Variants in CNTN6 observed in about 807,000 individuals in gnomAD.
CNTN6 encodes contactin 6.
A neutral mutation model predicts 122.8 loss-of-function variants in CNTN6; 137 were observed. The observed-to-expected ratio is 1.12, with a 90% confidence interval of 0.97 to 1.29. The LOEUF is 1.29. Among genes scored for constraint, CNTN6 ranks in the 50% most tolerant of loss-of-function variants. The pLI is 0.00. For missense variants in CNTN6, 1,634 were observed against 1,223.4 expected (o/e 1.34, Z -5.01); for synonymous variants, 570 against 426.0 (o/e 1.34, Z -4.16).
At chr3:1,261,848 T>C (rs141748974) in intron 4 of CNTN6, among the ~76,000 whole-genome samples, 1 of 152,304 alleles carries the variant, frequency 6.6e-6, no homozygotes, top group East Asian at 1.9e-4. Flanking sequence ...TCACATGTAA[T>C]AAGACAAGAG....
Position 1,261,211 on chromosome 3 carries a change from CTT to C in CNTN6, c.359-17200_359-17199del, listed in dbSNP as rs149436261. Among the ~76,000 whole-genome samples the C allele has an allele frequency of 2.9e-3, 439 of 152,246 alleles. 2 individuals carry two copies. The highest frequency in any genetic ancestry group is 0.01 in the African/African-American group (419 of 41,562). On this transcript the variant is annotated intron_variant, in intron 4 of 22. Coordinates refer to ENST00000446702, the MANE Select transcript of CNTN6 (RefSeq NM_001289080.2). ...CCTTTAAATGTCTACAGCACAATCT[CTT>C]TGGCTTTCTGTGAAAGCAGATCTCA...
At chr3:1,120,789 G>A (rs1458749634) in intron 1 of CNTN6, among the ~76,000 whole-genome samples, 1 of 151,784 alleles carries the variant, frequency 6.6e-6, no homozygotes, top group Non-Finnish European at 1.5e-5. Context: ...ATTTAAAATT[G>A]ATTTTTGTGG....
At chr3:1,142,234 T>C (rs1022962372) in intron 1 of CNTN6, among the ~76,000 whole-genome samples, 1 of 151,136 alleles carries the variant, frequency 6.6e-6, no homozygotes, top group Non-Finnish European at 1.5e-5. Flanking sequence ...AAAAACATGA[T>C]TATTCTGAAC....
At chr3:1,246,654 G>A (rs1212722106) in intron 4 of CNTN6, among the ~76,000 whole-genome samples, 1 of 151,992 alleles carries the variant, frequency 6.6e-6, no homozygotes, top group Non-Finnish European at 1.5e-5. Context: ...TTCCAGTAAT[G>A]TTTTTTTCTA....
At chr3:1,166,100 T>C (rs1277989944) in intron 2 of CNTN6, among the ~76,000 whole-genome samples, 4 of 152,194 alleles carry the variant, frequency 2.6e-5, no homozygotes, top group African/African-American at 9.7e-5. Context: ...GTGCGTTGCT[T>C]GGATCCTGGC....
rs72995954 is a variant in CNTN6, at chr3:1,360,407, T to C, written c.1492+7956T>C. ...TGTCGCTGTAGAAACTCATACTTCT[T>C]GGTCCTAAAATATCTTTCTGAATAA... On this transcript the variant is annotated intron_variant, in intron 12 of 22. Transcript: ENST00000446702. 6.0e-3 allele frequency among the ~76,000 whole-genome samples: 918 copies of C among 152,214 alleles called. 10 individuals carry two copies. Among genetic ancestry groups the C allele is most frequent in the Middle Eastern group, 0.01 (3 of 294 alleles).
At chr3:1,340,688 A>T (rs1197521815) in intron 11 of CNTN6, among the ~76,000 whole-genome samples, 1 of 152,118 alleles carries the variant, frequency 6.6e-6, no homozygotes, top group Non-Finnish European at 1.5e-5. Flanking sequence ...TTGTAAACCT[A>T]ATTTTGTAGA....
intron 2 of CNTN6, among the ~76,000 whole-genome samples, chr3:1,204,238 C>A (rs2093926806): frequency 6.6e-6 from 1 of 152,128 alleles, no homozygotes; most frequent in Non-Finnish European, 1.5e-5. Flanking sequence ...TGCAATATCT[C>A]AATGATAATA....
intron 2 of CNTN6, among the ~76,000 whole-genome samples, chr3:1,177,706 C>T (rs1452386692): frequency 1.3e-5 from 2 of 151,954 alleles, no homozygotes; most frequent in Non-Finnish European, 2.9e-5. Flanking sequence ...TTAAAGACAT[C>T]ACTATGTTTT....
intron 1 of CNTN6, among the ~76,000 whole-genome samples, chr3:1,147,481 T>C (rs2092747577): frequency 6.6e-6 from 1 of 152,130 alleles, no homozygotes; most frequent in Non-Finnish European, 1.5e-5. Context: ...TTTATGAACC[T>C]CTTATTAGAT....
intron 19 of CNTN6, among the ~76,000 whole-genome samples, chr3:1,384,810 C>CCCAT: frequency 7.3e-6 from 1 of 136,244 alleles, no homozygotes; most frequent in Admixed American, 7.7e-5. Flanking sequence ...CACACACACA[C>CCCAT]ACATATATAT....
intron 3 of CNTN6, among the ~76,000 whole-genome samples, chr3:1,225,612 A>G (rs997380786): frequency 2.6e-5 from 4 of 152,206 alleles, no homozygotes; most frequent in African/African-American, 9.7e-5. Context: ...GCAAATTATC[A>G]AAAACTATAT....
intron 2 of CNTN6, among the ~76,000 whole-genome samples, chr3:1,186,276 C>T (rs1466098708): frequency 2.6e-5 from 4 of 152,108 alleles, no homozygotes; most frequent in Non-Finnish European, 4.4e-5. Context: ...AAAAGAGATT[C>T]ATAGGTACAT....
chr3:1,152,478 A>C (rs2092868139), intron 2 of CNTN6, among the ~76,000 whole-genome samples: 1 of 152,148 alleles, frequency 6.6e-6, no homozygotes, highest in Non-Finnish European at 1.5e-5. Context: ...GAACAATGTC[A>C]GTAATGGGTA....
At chr3:1,119,354 G>GTGTGTGTGTGTGTGTGT (rs1339996215) in intron 1 of CNTN6, among the ~76,000 whole-genome samples, 26 of 8,814 alleles carry the variant, frequency 2.9e-3, no homozygotes, top group African/African-American at 7.2e-3. Context: ...TGTGTGTGTG[G>GTGTGTGTGTGTGTGTGT]AGAATGTCTC....
chr3:1,194,045 T>C (rs2093740513), intron 2 of CNTN6, among the ~76,000 whole-genome samples: 1 of 152,116 alleles, frequency 6.6e-6, no homozygotes, highest in Non-Finnish European at 1.5e-5. Context: ...CCATTTTAGT[T>C]CACGCAACCA....
intron 2 of CNTN6, 88 bp downstream of exon 2, chr3:1,148,151 C>G: frequency 3.1e-6 from 3 of 966,370 alleles, no homozygotes; most frequent in Non-Finnish European, 4.9e-6. Flanking sequence ...TCAAAATGCA[C>G]AATTTGTATG....
intron 1 of CNTN6, among the ~76,000 whole-genome samples, chr3:1,100,324 T>C (rs760882494): frequency 6.6e-5 from 10 of 152,202 alleles, no homozygotes; most frequent in Non-Finnish European, 1.5e-4. Flanking sequence ...TTTTTGCATA[T>C]TCTGTTCCAT....
intron 4 of CNTN6, among the ~76,000 whole-genome samples, chr3:1,259,874 TACAA>T (rs1575457694): frequency 1.3e-5 from 2 of 152,122 alleles, no homozygotes; most frequent in East Asian, 3.8e-4. Context: ...CACACATACA[TACAA>T]ACACACAATA....
Sources: gnomAD v4.1 joint callset for allele counts (sites outside exome capture counted in the v4.1 genomes callset) on GRCh38, gnomAD v4.1.1 for gene constraint, MANE v1.5 for transcripts, NCBI Gene and HGNC (gene_info 2026-07-23, HGNC 2026-07-21) for gene names.